Variants in CALCRL observed in about 807,000 individuals in gnomAD.
CALCRL encodes the protein calcitonin gene-related peptide type 1 receptor.
A neutral mutation model predicts 60.4 loss-of-function variants in CALCRL; 27 were observed. The ratio of observed to expected loss-of-function variants is 0.45; its 90% CI spans 0.33 to 0.62. The LOEUF is 0.62. CALCRL is among the 20% of genes least tolerant of loss of function. CALCRL has a pLI of 0.03. For synonymous variants in CALCRL, 190 were observed against 182.6 expected, an observed-to-expected ratio of 1.04 and a Z score of -0.33; for missense variants, 424 against 540.7, an observed-to-expected ratio of 0.78 and a Z score of 2.14.
intron 10 of CALCRL, 131 bp from the exon 11 acceptor site, chr2:187,359,403 A>C (rs1224640485): frequency 1.3e-5 from 8 of 613,016 alleles, no homozygotes; most frequent in Non-Finnish European, 1.4e-5. Flanking sequence ...ATATTTGTTG[A>C]ATAAACATTA....
chr2:187,366,207 C>T (rs1212217920), intron 8 of CALCRL, among the ~76,000 whole-genome samples: 3 of 134,604 alleles, frequency 2.2e-5, no homozygotes, highest in African/African-American at 8.5e-5. Flanking sequence ...TGCGCCACTG[C>T]AGTCCGCAGT....
chr2:187,414,214 G>T (rs1689492666), intron 1 of CALCRL, among the ~76,000 whole-genome samples: 1 of 152,000 alleles, frequency 6.6e-6, no homozygotes, highest in Admixed American at 6.6e-5. Context: ...TATTTTATTT[G>T]TAGGCCGGAA....
intron 1 of CALCRL, among the ~76,000 whole-genome samples, chr2:187,427,816 A>C (rs563420171): frequency 6.6e-6 from 1 of 152,310 alleles, no homozygotes; most frequent in African/African-American, 2.4e-5. Flanking sequence ...TGGGGTAAAG[A>C]CACAATGAAG....
chr2:187,361,028 G>A (rs1422558329), intron 9 of CALCRL, among the ~76,000 whole-genome samples: 1 of 151,962 alleles, frequency 6.6e-6, no homozygotes, highest in Non-Finnish European at 1.5e-5. Flanking sequence ...TTCTGAATGT[G>A]TTTTTGTTGT....
chr2:187,433,880 G>A (rs1478216930), intron 1 of CALCRL, among the ~76,000 whole-genome samples: 1 of 151,992 alleles, frequency 6.6e-6, no homozygotes, highest in African/African-American at 2.4e-5. Context: ...GGAATTATGT[G>A]AAAAACACAA....
chr2:187,365,509 G>A (rs1012755885), intron 8 of CALCRL, among the ~76,000 whole-genome samples: 2 of 152,062 alleles, frequency 1.3e-5, no homozygotes, highest in Non-Finnish European at 2.9e-5. Flanking sequence ...TTAACTGGGC[G>A]ATTTTGTCAT....
chr2:187,360,723 T>A lies in CALCRL; in HGVS notation c.656A>T (p.His219Leu). 1 of 1,611,698 alleles carries A rather than the reference T, an allele frequency of 6.2e-7. No individual in the cohort carries two copies. Among genetic ancestry groups the A allele is most frequent in the Non-Finnish European group, 8.5e-7 (1 of 1,178,846 alleles). ...PVSCKVSQFIHLYLMGCNYFW... is the reference protein window; with the variant it reads ...PVSCKVSQFILLYLMGCNYFW... ...GTAATTACAGCCCATCAGGTAAAGA[T>A]GAATGAACTGGGACACTTTGCAACT... Residue 219 changes from histidine (H) to leucine (L), a missense_variant, in exon 10 of 15, where the codon CAT becomes CTT. Around this residue, in one of 7 missense-constraint regions of CALCRL, gnomAD observed 43 missense variants for 40.9 expected, o/e 1.05. Coordinates refer to ENST00000392370, the MANE Select transcript of CALCRL (RefSeq NM_005795.6).
intron 1 of CALCRL, among the ~76,000 whole-genome samples, chr2:187,427,438 A>G (rs1690193227): frequency 6.6e-6 from 1 of 152,182 alleles, no homozygotes. Context: ...AAAAAGGATA[A>G]GACATTCATC....
Position 187,346,203 on chromosome 2 carries a change from G to A in CALCRL, c.1367C>T (p.Pro456Leu). The change falls in exon 15 of 15, where the codon CCA becomes CTA. Residue 456 changes from proline to leucine, a missense_variant. Physicochemically the swap from Pro to Leu is moderately conservative, Grantham distance 98. Transcript: ENST00000392370. Reference protein sequence around the residue: ...IHDIENVLLKPENLYN With the variant: ...IHDIENVLLKLENLYN ...CTATTTTCAATTATATAAATTTTCT[G>A]GTTTTAAGAGAACATTTTCAATATC... 1 of 1,602,026 alleles carries A rather than the reference G, an allele frequency of 6.2e-7. No individual in the cohort carries two copies. Among genetic ancestry groups the A allele is most frequent in the Admixed American group, 1.7e-5 (1 of 59,380 alleles).
intron 5 of CALCRL, among the ~76,000 whole-genome samples, chr2:187,382,419 T>TA (rs1688020953): frequency 6.6e-6 from 1 of 152,210 alleles, no homozygotes; most frequent in African/African-American, 2.4e-5. Context: ...CAATTAAATT[T>TA]AAAATCTACT....
chr2:187,359,855 CGT>C (rs935422291), intron 10 of CALCRL, among the ~76,000 whole-genome samples: 2 of 151,344 alleles, frequency 1.3e-5, no homozygotes, highest in Non-Finnish European at 3.0e-5. Context: ...TGTGGGTGTG[CGT>C]GTGTGTGTAT....
At chr2:187,352,419 T>A in intron 12 of CALCRL, 87 bp from the exon 13 acceptor site, 1 of 735,896 alleles carries the variant, frequency 1.4e-6, no homozygotes, top group Non-Finnish European at 2.3e-6. Flanking sequence ...TTTATAAATC[T>A]TAAAATATTT....
intron 1 of CALCRL, among the ~76,000 whole-genome samples, chr2:187,391,630 A>C (rs1158872022): frequency 1.3e-5 from 2 of 152,038 alleles, no homozygotes; most frequent in Non-Finnish European, 2.9e-5. Flanking sequence ...GTACTATTTT[A>C]TTTTCCTTTT....
chr2:187,365,048 T>C (rs749120003), intron 8 of CALCRL, among the ~76,000 whole-genome samples: 3 of 152,192 alleles, frequency 2.0e-5, no homozygotes, highest in African/African-American at 4.8e-5. Flanking sequence ...ATTGATTATA[T>C]TCTATAGAAA....
rs371906156 is a variant in CALCRL at position 187,429,329 on chromosome 2, T to C, written c.-293+18710A>G. Among the ~76,000 whole-genome samples the C allele has an allele frequency of 6.6e-5, 10 of 152,226 alleles. No homozygotes were observed. The East Asian group carries it at 1.9e-3, about 29-fold the overall frequency. ...GTTGGTTACAAAGAACTTCAGATGG[T>C]ATTTTATTTCTAGCTATTATCTTTA... On this transcript the variant is annotated intron_variant, in intron 1 of 14. Transcript: ENST00000392370.
intron 1 of CALCRL, among the ~76,000 whole-genome samples, chr2:187,412,219 T>A (rs1482952823): frequency 6.6e-6 from 1 of 152,120 alleles, no homozygotes; most frequent in Non-Finnish European, 1.5e-5. Flanking sequence ...TTCAGAAACA[T>A]TCTTACATTT....
intron 8 of CALCRL, among the ~76,000 whole-genome samples, chr2:187,371,503 G>A (rs1032647482): frequency 2.6e-5 from 4 of 151,990 alleles, no homozygotes; most frequent in South Asian, 2.1e-4. Flanking sequence ...AATGAAAAGC[G>A]AAAGTTCCAA....
rs1686245831 is a variant in CALCRL, at chr2:187,345,778, A to G, written c.*406T>C. ...CCCTTCATGTTTATAGACCTTAGCT[A>G]GGTCTCTTGGGGCAATAAGGGTAGA... On this transcript the variant is annotated 3_prime_UTR_variant, in exon 15 of 15. Coordinates refer to ENST00000392370, the MANE Select transcript of CALCRL (RefSeq NM_005795.6). The G allele has an allele frequency of 6.5e-6, 1 of 154,968 alleles. No individual in the cohort carries two copies. The highest frequency in any genetic ancestry group is 2.4e-5 in the African/African-American group (1 of 41,486). 9.6% of individuals were successfully genotyped at this position (154,968 alleles called of 1,614,324 possible).
chr2:187,355,664 G>A (rs981422930), intron 12 of CALCRL, among the ~76,000 whole-genome samples: 2 of 151,776 alleles, frequency 1.3e-5, no homozygotes, highest in South Asian at 2.1e-4. Context: ...TAACTTGATC[G>A]CAGCTGTAAA....
Sources: allele counts gnomAD v4.1 joint callset (sites outside exome capture counted in the v4.1 genomes callset), GRCh38; gene constraint gnomAD v4.1.1; regional missense constraint gnomAD v4.1.1; transcripts MANE v1.5; gene names NCBI Gene and HGNC (gene_info 2026-07-23, HGNC 2026-07-21).